NEGR1: variants seen among roughly 807,000 people sequenced by gnomAD.
NEGR1 encodes IgLON family member 4.
Under a neutral mutation model 40.9 loss-of-function variants are expected in NEGR1, and 10 were observed. The ratio of observed to expected loss-of-function variants is 0.24; its 90% confidence interval spans 0.15 to 0.42. The LOEUF is 0.42. NEGR1 is among the 10% of genes least tolerant of loss of function. NEGR1 has a pLI of 1.00. For missense variants in NEGR1, 352 were observed against 438.9 expected (o/e 0.80, Z 1.77); for synonymous variants, 185 against 166.8 (o/e 1.11, Z -0.84).
intron 2 of NEGR1, among the ~76,000 whole-genome samples, chr1:71,927,786 C>A (rs1043739197): frequency 1.4e-4 from 17 of 123,062 alleles, no homozygotes; most frequent in Admixed American, 2.0e-4. Context: ...GCGTTTGAGA[C>A]CAGCATGGGC....
intron 2 of NEGR1, among the ~76,000 whole-genome samples, chr1:71,915,131 A>C (rs1385477553): frequency 6.6e-6 from 1 of 151,944 alleles, no homozygotes; most frequent in Non-Finnish European, 1.5e-5. Context: ...AGGCTAGGAG[A>C]TGACTGGACT....
chr1:72,001,126 C>T (rs1201463118), intron 1 of NEGR1, among the ~76,000 whole-genome samples: 11 of 152,090 alleles, frequency 7.2e-5, no homozygotes, highest in Admixed American at 7.2e-4. Flanking sequence ...ACCAGAAATT[C>T]GTGATTTATG....
chr1:71,520,864 C>A (rs904597886), intron 6 of NEGR1, among the ~76,000 whole-genome samples: 1 of 151,942 alleles, frequency 6.6e-6, no homozygotes, highest in African/African-American at 2.4e-5. Flanking sequence ...TACAAGTTAC[C>A]CTGCTTTTAC....
At chr1:71,498,734 G>A (rs905958803) in intron 6 of NEGR1, among the ~76,000 whole-genome samples, 1 of 152,086 alleles carries the variant, frequency 6.6e-6, no homozygotes, top group African/African-American at 2.4e-5. Context: ...CTAATTTGCA[G>A]TTGATTATGC....
chr1:71,821,312 C>T (rs1658420739), intron 2 of NEGR1, among the ~76,000 whole-genome samples: 3 of 151,950 alleles, frequency 2.0e-5, no homozygotes. Context: ...AGAACACATG[C>T]ATTCCAGAGG....
chr1:71,508,225 A>G lies in NEGR1; in HGVS notation c.940+84592T>C, dbSNP rs960261041. Among the ~76,000 whole-genome samples, 5 of 152,168 alleles carry G rather than the reference A, an allele frequency of 3.3e-5. 1 individual carries two copies. Among genetic ancestry groups the G allele is most frequent in the African/African-American group, 1.2e-4 (5 of 41,444 alleles). On this transcript the variant is annotated intron_variant, in intron 6 of 6. Coordinates refer to ENST00000357731, the MANE Select transcript of NEGR1 (RefSeq NM_173808.3). ...AAGACAAGCTCCACCCAAGCAGGGA[A>G]GGTCCCTATTAAGTGCTCCTGGCCA...
chr1:71,587,850 A>G (rs369197131), intron 6 of NEGR1, among the ~76,000 whole-genome samples: 3 of 152,268 alleles, frequency 2.0e-5, no homozygotes, highest in South Asian at 2.1e-4. Flanking sequence ...GTCTTCATCA[A>G]TAGTGAGACT....
chr1:71,489,339 G>A lies in NEGR1; in HGVS notation c.941-81769C>T, dbSNP rs189232230. Among the ~76,000 whole-genome samples the A allele has an allele frequency of 1.8e-4, 27 of 151,888 alleles. No homozygotes were observed. The East Asian group carries it at 4.5e-3, about 25-fold the overall frequency. On this transcript the variant is annotated intron_variant, in intron 6 of 6. Transcript: ENST00000357731. ...GGCTGAGATTCCAGTTTTCTAATTC[G>A]TGGCCCTCCAGTGTTTCCTTGTTCC...
chr1:72,042,500 C>T (rs1184423764), intron 1 of NEGR1, among the ~76,000 whole-genome samples: 1 of 152,006 alleles, frequency 6.6e-6, no homozygotes, highest in African/African-American at 2.4e-5. Flanking sequence ...TTTTGAACAT[C>T]TGCCAAGCAC....
chr1:72,207,463 T>C (rs1181938754), intron 1 of NEGR1, among the ~76,000 whole-genome samples: 1 of 151,796 alleles, frequency 6.6e-6, no homozygotes, highest in Non-Finnish European at 1.5e-5. Context: ...ATTTGGGAAC[T>C]TGGAGAATTA....
Position 71,935,249 on chromosome 1 carries a change from G to A in NEGR1, c.239C>T (p.Ala80Val), listed in dbSNP as rs1645894066. ...ATCCACTGACCACTTATCACCTCCC[G>A]CAAAAATAATACTTGACCGGTTCAG... is the stretch of plus-strand genomic sequence containing the variant. ...AWLNRSSIIFAGGDKWSVDPR... is the reference protein window; with the variant it reads ...AWLNRSSIIFVGGDKWSVDPR... The change falls in exon 2 of 7, where the codon GCG becomes GTG. Residue 80 changes from alanine (A) to valine (V), a missense_variant. Transcript: ENST00000357731. 2.5e-6 allele frequency: 4 copies of A among 1,613,692 alleles called. No homozygotes were observed. Among genetic ancestry groups the A allele is most frequent in the Admixed American group, 1.7e-5 (1 of 59,940 alleles).
At chr1:71,759,392 G>T (rs2101697669) in intron 3 of NEGR1, among the ~76,000 whole-genome samples, 1 of 141,262 alleles carries the variant, frequency 7.1e-6, no homozygotes, top group Non-Finnish European at 1.5e-5. Flanking sequence ...CCGCTTCCCG[G>T]GTTCAAGTGA....
At chr1:71,491,644 G>A (rs985467202) in intron 6 of NEGR1, among the ~76,000 whole-genome samples, 4 of 150,714 alleles carry the variant, frequency 2.7e-5, no homozygotes, top group South Asian at 2.1e-4. Context: ...TCATGCTACT[G>A]TGAATGTCAT....
At chr1:72,238,277 A>G (rs1654625224) in intron 1 of NEGR1, among the ~76,000 whole-genome samples, 1 of 151,904 alleles carries the variant, frequency 6.6e-6, no homozygotes, top group South Asian at 2.1e-4. Flanking sequence ...CTCAGTTTCT[A>G]GAAGGAGAGA....
At chr1:72,185,418 A>T (rs1652577082) in intron 1 of NEGR1, among the ~76,000 whole-genome samples, 1 of 151,906 alleles carries the variant, frequency 6.6e-6, no homozygotes, top group Non-Finnish European at 1.5e-5. Flanking sequence ...ATTAAATATG[A>T]ATACACCTCT....
At chr1:71,880,473 T>C (rs1389060739) in intron 2 of NEGR1, among the ~76,000 whole-genome samples, 4 of 152,052 alleles carry the variant, frequency 2.6e-5, no homozygotes, top group Non-Finnish European at 5.9e-5. Flanking sequence ...AAAGATTCTT[T>C]GTGGATTTTT....
chr1:71,532,233 A>G (rs992378089), intron 6 of NEGR1, among the ~76,000 whole-genome samples: 1 of 151,574 alleles, frequency 6.6e-6, no homozygotes, highest in African/African-American at 2.4e-5. Context: ...TCTCGATTTC[A>G]TGTCACTCAG....
At chr1:71,579,718 G>A (rs1311723706) in intron 6 of NEGR1, among the ~76,000 whole-genome samples, 2 of 151,746 alleles carry the variant, frequency 1.3e-5, no homozygotes, top group African/African-American at 2.4e-5. Flanking sequence ...CAGGTTAGAG[G>A]AAAGATAACA....
intron 1 of NEGR1, among the ~76,000 whole-genome samples, chr1:72,107,976 C>G (rs1649202492): frequency 6.6e-6 from 1 of 151,358 alleles, no homozygotes; most frequent in Non-Finnish European, 1.5e-5. Flanking sequence ...GTTATGTTTG[C>G]CAAACTCTAT....
Sources: gnomAD v4.1 joint callset for allele counts (sites outside exome capture counted in the v4.1 genomes callset) on GRCh38, gnomAD v4.1.1 for gene constraint, MANE v1.5 for transcripts, NCBI Gene and HGNC (gene_info 2026-07-23, HGNC 2026-07-21) for gene names.